Variants in CHST9 observed in about 807,000 individuals in gnomAD.
CHST9 encodes the protein carbohydrate sulfotransferase 9.
Under a neutral mutation model 44.4 loss-of-function variants are expected in CHST9, and 41 were observed. That is an observed-to-expected ratio of 0.92 (90% CI 0.72 to 1.20). The LOEUF (loss-of-function observed/expected upper bound fraction) is 1.20, where lower values mean the gene tolerates loss of function less well. CHST9 is among the 50% of genes most tolerant of loss of function. The pLI is 0.00. For missense variants in CHST9, 504 were observed against 516.5 expected, an observed-to-expected ratio of 0.98 and a Z score of 0.23; for synonymous variants, 171 against 178.4, an observed-to-expected ratio of 0.96 and a Z score of 0.33.
intron 2 of CHST9, among the ~76,000 whole-genome samples, chr18:27,097,855 C>A (rs958320766): frequency 6.6e-6 from 1 of 152,044 alleles, no homozygotes; most frequent in African/African-American, 2.4e-5. Context: ...TTCCCCATTT[C>A]TTGTTTTTGT....
intron 4 of CHST9, among the ~76,000 whole-genome samples, chr18:26,944,704 CCAAA>C (rs780662620): frequency 8.5e-5 from 13 of 152,230 alleles, no homozygotes; most frequent in Non-Finnish European, 1.3e-4. Context: ...ACAAAGTTTT[CCAAA>C]CAATGACAAC....
intron 1 of CHST9, among the ~76,000 whole-genome samples, chr18:27,180,966 A>C (rs2058907222): frequency 1.3e-5 from 2 of 151,972 alleles, no homozygotes; most frequent in Non-Finnish European, 2.9e-5. Flanking sequence ...AAAAATGAAA[A>C]TGTTTCCTTA....
At position 26,916,871 on chromosome 18, in the gene CHST9, A is replaced by G. The variant is rs1350890046; in HGVS notation, c.720T>C (p.Ser240=). The change falls in exon 6 of 6, where the codon TCT becomes TCC. Residue 240 remains serine (S), a synonymous_variant. Coordinates refer to ENST00000618847, the MANE Select transcript of CHST9 (RefSeq NM_031422.6). ...ILMVLNGLAS[S]AYNISHNAVH... ...CAGCATTGTGGGAGATGTTGTATGC[A>G]GAGGAAGCCAATCCATTTAGTACCA... 1 of 1,613,824 alleles carries G rather than the reference A, an allele frequency of 6.2e-7. No individual in the cohort carries two copies. Among genetic ancestry groups the G allele is most frequent in the Non-Finnish European group, 8.5e-7 (1 of 1,179,880 alleles).
intron 4 of CHST9, among the ~76,000 whole-genome samples, chr18:26,984,660 A>G (rs496870): frequency 6.6e-6 from 1 of 151,852 alleles, no homozygotes; most frequent in African/African-American, 2.4e-5. Flanking sequence ...TCAATAAGGT[A>G]AAGTCAATCT....
chr18:27,068,252 G>T (rs879455670), intron 2 of CHST9, among the ~76,000 whole-genome samples: 3 of 151,434 alleles, frequency 2.0e-5, no homozygotes, highest in Non-Finnish European at 4.4e-5. Flanking sequence ...AATTTTATTT[G>T]GTTTTTACTT....
At chr18:27,184,733 C>T (rs2058942258) in intron 1 of CHST9, among the ~76,000 whole-genome samples, 2 of 152,276 alleles carry the variant, frequency 1.3e-5, no homozygotes, top group South Asian at 4.1e-4. Context: ...CTGTTCCTGC[C>T]GTCCTCTTTC....
chr18:27,040,736 G>A (rs1198165860), intron 3 of CHST9, among the ~76,000 whole-genome samples: 1 of 152,110 alleles, frequency 6.6e-6, no homozygotes, highest in Non-Finnish European at 1.5e-5. Flanking sequence ...AAGGTTTTAA[G>A]TTGCACAGTA....
intron 2 of CHST9, among the ~76,000 whole-genome samples, chr18:27,130,719 T>G (rs1238949280): frequency 6.6e-6 from 1 of 152,222 alleles, no homozygotes; most frequent in Non-Finnish European, 1.5e-5. Flanking sequence ...TTGGAGAATG[T>G]ATATATAAAT....
At chr18:26,964,107 G>A (rs1361929527) in intron 4 of CHST9, among the ~76,000 whole-genome samples, 3 of 152,322 alleles carry the variant, frequency 2.0e-5, no homozygotes, top group South Asian at 2.1e-4. Flanking sequence ...GCAGAACGCT[G>A]ATGTGGCTAA....
chr18:27,016,842 A>G (rs892073144), intron 4 of CHST9, among the ~76,000 whole-genome samples: 2 of 152,218 alleles, frequency 1.3e-5, no homozygotes, highest in Non-Finnish European at 2.9e-5. Flanking sequence ...GATTTACAGT[A>G]TTGAATCACT....
chr18:27,099,403 C>T (rs1227136968), intron 2 of CHST9, among the ~76,000 whole-genome samples: 4 of 152,054 alleles, frequency 2.6e-5, no homozygotes, highest in Non-Finnish European at 5.9e-5. Context: ...AATAGACAAT[C>T]TACAGAACAG....
chr18:27,172,883 CAT>C (rs1457511187), intron 1 of CHST9, among the ~76,000 whole-genome samples: 1 of 151,858 alleles, frequency 6.6e-6, no homozygotes, highest in Non-Finnish European at 1.5e-5. Context: ...AGAAGAGCTA[CAT>C]GTTTTCTTTT....
intron 3 of CHST9, among the ~76,000 whole-genome samples, chr18:27,028,480 GATAGGAT>G: frequency 6.6e-6 from 1 of 152,148 alleles, no homozygotes; most frequent in East Asian, 1.9e-4. Flanking sequence ...AACATCAGTC[GATAGGAT>G]ATAATGAGAG....
chr18:27,088,789 C>T (rs997880482), intron 2 of CHST9, among the ~76,000 whole-genome samples: 2 of 152,054 alleles, frequency 1.3e-5, no homozygotes, highest in African/African-American at 2.4e-5. Context: ...ATGCCATCTT[C>T]GAGATAGATG....
At chr18:26,919,738 T>C (rs2055611635) in intron 5 of CHST9, among the ~76,000 whole-genome samples, 1 of 152,144 alleles carries the variant, frequency 6.6e-6, no homozygotes, top group Non-Finnish European at 1.5e-5. Flanking sequence ...GCCTCTGGAC[T>C]TTCTGCTTTG....
rs1044623757 is a variant in CHST9 at position 27,088,463 on chromosome 18, C to T, written c.122-39960G>A. ...AGGCTGGAGTGCAGTGGCGCGATCT[C>T]GGCTCACTGCAACCTCTGCTTCCTT... On this transcript the variant is annotated intron_variant, in intron 2 of 5. Transcript: ENST00000618847. Among the ~76,000 whole-genome samples the T allele has an allele frequency of 2.0e-5, 3 of 150,230 alleles. No individual in the cohort carries two copies. In the Admixed American group the frequency reaches 2.0e-4, roughly 10 times the overall value.
At chr18:27,038,492 G>C (rs751846951) in intron 3 of CHST9, among the ~76,000 whole-genome samples, 1 of 152,092 alleles carries the variant, frequency 6.6e-6, no homozygotes, top group African/African-American at 2.4e-5. Context: ...GTTGCAGTGA[G>C]CTGAGATCAT....
At chr18:27,040,275 A>G (rs1384743798) in intron 3 of CHST9, among the ~76,000 whole-genome samples, 4 of 152,296 alleles carry the variant, frequency 2.6e-5, no homozygotes, top group East Asian at 3.9e-4. Flanking sequence ...AAAGAAAGGC[A>G]TGGGGATCAT....
chr18:27,053,980 T>C (rs1463672322), intron 2 of CHST9, among the ~76,000 whole-genome samples: 1 of 152,234 alleles, frequency 6.6e-6, no homozygotes, highest in Non-Finnish European at 1.5e-5. Context: ...TCCTTTGCCA[T>C]AGCACTAATT....
Sources: gnomAD v4.1 joint callset for allele counts (sites outside exome capture counted in the v4.1 genomes callset) on GRCh38, gnomAD v4.1.1 for gene constraint, MANE v1.5 for transcripts, NCBI Gene and HGNC (gene_info 2026-07-23, HGNC 2026-07-21) for gene names.